CHCHD3: variants seen among roughly 807,000 people sequenced by gnomAD.
CHCHD3 encodes MICOS complex subunit MIC19.
CHCHD3 carries 20 observed loss-of-function variants against 38.2 expected under a neutral mutation model. The ratio of observed to expected loss-of-function variants is 0.52; its 90% CI spans 0.37 to 0.76. The LOEUF is 0.76. Ranked by LOEUF, CHCHD3 falls within the 30% of genes least tolerant of loss-of-function variation. The pLI is 0.00. For synonymous variants in CHCHD3, 82 were observed against 100.0 expected (o/e 0.82, Z 1.07); for missense variants, 245 against 279.2 (o/e 0.88, Z 0.87).
At chr7:132,878,024 T>C (rs1808957863) in intron 5 of CHCHD3, among the ~76,000 whole-genome samples, 1 of 152,028 alleles carries the variant, frequency 6.6e-6, no homozygotes, top group Admixed American at 6.6e-5. Flanking sequence ...TATCAAACGG[T>C]TTCTTAATCC....
At chr7:132,954,913 T>C (rs536014404) in intron 4 of CHCHD3, among the ~76,000 whole-genome samples, 89 of 152,282 alleles carry the variant, frequency 5.8e-4, no homozygotes, top group Non-Finnish European at 1.1e-3. Context: ...CTCCATGACC[T>C]TGTCCTCCAC....
At chr7:132,991,696 A>T (rs114371138) in intron 3 of CHCHD3, among the ~76,000 whole-genome samples, 1 of 151,874 alleles carries the variant, frequency 6.6e-6, no homozygotes. Flanking sequence ...CTTTCCCCCA[A>T]CCCAATTCTG....
In CHCHD3 at chr7:133,041,902, G is replaced by C. The variant is rs142750062; in HGVS notation, c.170-17275C>G. ...TCTAATTCAATACTGCCTTTGATACGCTAATAGTCCTATGAGGACTTCGAC... is the reference window on the plus strand; with the variant it reads ...TCTAATTCAATACTGCCTTTGATACCCTAATAGTCCTATGAGGACTTCGAC... On this transcript the variant is annotated intron_variant, in intron 2 of 7. Coordinates refer to ENST00000262570, the MANE Select transcript of CHCHD3 (RefSeq NM_017812.4). Among the ~76,000 whole-genome samples, 166 of 152,292 alleles carry C rather than the reference G, an allele frequency of 1.1e-3. 1 individual carries two copies. The highest frequency in any genetic ancestry group is 3.9e-3 in the African/African-American group (161 of 41,562).
At chr7:132,895,474 G>T (rs1253326449) in intron 4 of CHCHD3, among the ~76,000 whole-genome samples, 2 of 152,242 alleles carry the variant, frequency 1.3e-5, no homozygotes, top group Admixed American at 6.5e-5. Flanking sequence ...GCCTTCTGTG[G>T]AAAACCACAG....
chr7:132,951,282 C>T (rs969431566), intron 4 of CHCHD3, among the ~76,000 whole-genome samples: 11 of 152,136 alleles, frequency 7.2e-5, no homozygotes, highest in African/African-American at 2.7e-4. Flanking sequence ...AAAAGAAATC[C>T]TATTTCCTAG....
intron 2 of CHCHD3, among the ~76,000 whole-genome samples, chr7:133,055,549 AATT>A (rs1432411278): frequency 2.0e-4 from 30 of 146,790 alleles, no homozygotes; most frequent in Admixed American, 4.1e-4. Flanking sequence ...AATTGTTTAT[AATT>A]ATTATGTATT....
At chr7:132,830,432 G>A (rs577112686) in intron 6 of CHCHD3, among the ~76,000 whole-genome samples, 22 of 152,128 alleles carry the variant, frequency 1.4e-4, no homozygotes, top group Non-Finnish European at 2.1e-4. Context: ...AACAACTTAC[G>A]ACCATTTTTT....
At chr7:132,819,397 A>AC (rs1807285923) in intron 6 of CHCHD3, among the ~76,000 whole-genome samples, 1 of 151,982 alleles carries the variant, frequency 6.6e-6, no homozygotes, top group South Asian at 2.1e-4. Context: ...GAGAAAACGC[A>AC]CTTTTTTTTT....
chr7:132,967,625 TTAAATAAATAAATAAATAAA>T (rs72008953), intron 4 of CHCHD3, among the ~76,000 whole-genome samples: 27 of 140,020 alleles, frequency 1.9e-4, no homozygotes, highest in Middle Eastern at 3.7e-3. Flanking sequence ...ATGCTGTTTC[TTAAATAAATAAATAAATAAA>T]TAAATAAATA....
In CHCHD3 at chr7:132,788,674, C is replaced by T. The variant is rs1444786800; in HGVS notation, c.661-3014G>A. The stretch of plus-strand genomic sequence containing the variant: ...GGTCTGAGGATGAGCAGGCCAGTCT[C>T]ACATAAAGACACTAAAAGAAGTAAC... On this transcript the variant is annotated intron_variant, in intron 7 of 7. Transcript: ENST00000262570. The surrounding 1 kb of genome is among the most constrained non-coding windows in gnomAD (Gnocchi z 4.0). 2.0e-5 allele frequency among the ~76,000 whole-genome samples: 3 copies of T among 152,176 alleles called. No individual in the cohort carries two copies. Among genetic ancestry groups the T allele is most frequent in the African/African-American group, 7.2e-5 (3 of 41,450 alleles).
chr7:133,035,871 T>C lies in CHCHD3; in HGVS notation c.170-11244A>G, dbSNP rs1000284492. Reference sequence around the variant, plus strand: ...GCTGTACTGAGCAGCGATGAGAGCCTTGAAGGCCCTCCAGTTTTCAGGATA... The same window carrying C: ...GCTGTACTGAGCAGCGATGAGAGCCCTGAAGGCCCTCCAGTTTTCAGGATA... On this transcript the variant is annotated intron_variant, in intron 2 of 7. Coordinates refer to ENST00000262570, the MANE Select transcript of CHCHD3 (RefSeq NM_017812.4). The surrounding 1 kb of genome is among the most constrained non-coding windows in gnomAD (Gnocchi z 4.7). The C allele has an allele frequency of 3.8e-5, 61 of 1,612,798 alleles. No individual in the cohort carries two copies. The highest frequency in any genetic ancestry group is 4.7e-5 in the Non-Finnish European group (56 of 1,178,976).
At chr7:132,813,926 C>G (rs574852993) in intron 6 of CHCHD3, among the ~76,000 whole-genome samples, 2 of 152,158 alleles carry the variant, frequency 1.3e-5, no homozygotes, top group Non-Finnish European at 2.9e-5. Flanking sequence ...TACGTGCTCA[C>G]GGGGAGCAAC....
intron 3 of CHCHD3, among the ~76,000 whole-genome samples, chr7:132,988,301 C>CA (rs1562930666): frequency 4.1e-4 from 27 of 65,306 alleles, no homozygotes; most frequent in Non-Finnish European, 8.1e-4. Flanking sequence ...ACACACACAC[C>CA]CACACACACA....
At chr7:132,799,076 G>A (rs1018183001) in intron 6 of CHCHD3, among the ~76,000 whole-genome samples, 1 of 149,404 alleles carries the variant, frequency 6.7e-6, no homozygotes, top group Non-Finnish European at 1.5e-5. Flanking sequence ...AATTCTTTTT[G>A]TACACACTTC....
chr7:132,799,860 T>C (rs143482967), intron 6 of CHCHD3, among the ~76,000 whole-genome samples: 3 of 152,208 alleles, frequency 2.0e-5, no homozygotes, highest in Non-Finnish European at 4.4e-5. Context: ...CTTCCCTTTC[T>C]CTCCCCTCAT....
chr7:132,921,664 C>T (rs1315307958), intron 4 of CHCHD3, among the ~76,000 whole-genome samples: 1 of 151,010 alleles, frequency 6.6e-6, no homozygotes, highest in African/African-American at 2.4e-5. Context: ...CAACAAAACA[C>T]AAAAAAGGAT....
intron 5 of CHCHD3, among the ~76,000 whole-genome samples, chr7:132,855,656 A>C (rs1222588671): frequency 6.6e-6 from 1 of 152,180 alleles, no homozygotes; most frequent in Non-Finnish European, 1.5e-5. Context: ...CTCAGAAGGC[A>C]GTGTGCAGGA....
At chr7:132,816,189 T>G (rs1807197374) in intron 6 of CHCHD3, among the ~76,000 whole-genome samples, 1 of 152,176 alleles carries the variant, frequency 6.6e-6, no homozygotes, top group Non-Finnish European at 1.5e-5. Context: ...ATCCACAGTT[T>G]CTGAAAATAA....
At chr7:132,867,104 C>CT (rs979975735) in intron 5 of CHCHD3, among the ~76,000 whole-genome samples, 1 of 152,162 alleles carries the variant, frequency 6.6e-6, no homozygotes, top group Non-Finnish European at 1.5e-5. Context: ...TTGTTATTGA[C>CT]TACCTCACAT....
Sources: allele counts gnomAD v4.1 joint callset (sites outside exome capture counted in the v4.1 genomes callset), GRCh38; gene constraint gnomAD v4.1.1; non-coding constraint Gnocchi (gnomAD v3.1); transcripts MANE v1.5; gene names NCBI Gene and HGNC (gene_info 2026-07-23, HGNC 2026-07-21).